Variants in HIKESHI observed in about 807,000 individuals in gnomAD.
The protein encoded by HIKESHI is heat shock protein nuclear import factor hikeshi.
In HIKESHI, 13 loss-of-function variants were observed where a neutral mutation model predicts 25.7. That is an observed-to-expected ratio of 0.51 (90% CI 0.33 to 0.80). The LOEUF (loss-of-function observed/expected upper bound fraction) is 0.80, where lower values mean the gene tolerates loss of function less well. Among genes scored for constraint, HIKESHI ranks in the 30% least tolerant of loss-of-function variants. HIKESHI has a pLI of 0.02. For missense variants in HIKESHI, 174 were observed against 229.5 expected (o/e 0.76, Z 1.56); for synonymous variants, 76 against 78.7 (o/e 0.97, Z 0.18).
chr11:86,311,740 A>G (rs901004527), intron 2 of HIKESHI, among the ~76,000 whole-genome samples: 3 of 152,142 alleles, frequency 2.0e-5, no homozygotes, highest in Admixed American at 6.6e-5. Context: ...AATGTGTCCC[A>G]GAGTTTCTGG....
At chr11:86,328,434 G>T (rs77255147) in intron 2 of HIKESHI, among the ~76,000 whole-genome samples, 12,771 of 132,638 alleles carry the variant, frequency 0.096, 836 homozygotes, top group African/African-American at 0.19. Flanking sequence ...AATGTTTTTT[G>T]TTTTTTTTTT....
intron 2 of HIKESHI, among the ~76,000 whole-genome samples, chr11:86,330,501 C>T (rs1219144219): frequency 1.3e-5 from 2 of 152,162 alleles, no homozygotes; most frequent in East Asian, 3.8e-4. Flanking sequence ...TCTTCAAAGT[C>T]TAGAATTTGC....
rs1271190739 is a variant in HIKESHI at position 86,323,134 on chromosome 11, CT to C, written c.269-14244del. Among the ~76,000 whole-genome samples the C allele has an allele frequency of 3.3e-5, 5 of 151,728 alleles. No individual in the cohort carries two copies. The East Asian group carries it at 9.6e-4, about 29-fold the overall frequency. On this transcript the variant is annotated intron_variant, in intron 2 of 4. Transcript: ENST00000278483. Reference sequence around the variant, plus strand: ...TCCCAGCTATTTGGGAGGCTGAGGCCTCAGGAGGATTGCTTGAGCCCAGGAG... The same window carrying C: ...TCCCAGCTATTTGGGAGGCTGAGGCCCAGGAGGATTGCTTGAGCCCAGGAG...
intron 1 of HIKESHI, chr11:86,303,362 A>C (rs1946543385): frequency 2.1e-6 from 2 of 973,572 alleles, no homozygotes; most frequent in African/African-American, 3.5e-5. Flanking sequence ...TACAGTTCTA[A>C]GAAGCCAGAA....
chr11:86,331,467 C>T (rs1304849971), intron 2 of HIKESHI, among the ~76,000 whole-genome samples: 1 of 152,078 alleles, frequency 6.6e-6, no homozygotes, highest in East Asian at 1.9e-4. Flanking sequence ...CCAGCCTGGA[C>T]AACAAAGCTA....
In HIKESHI at chr11:86,337,648, ATTTTG is replaced by A. The variant is rs1309541300; in HGVS notation, c.420+128_420+132del. The stretch of plus-strand genomic sequence containing the variant: ...TGTGATGTTTTTGATACATGTTTAC[ATTTTG>A]TTTTGTTTTATTTTGTTTTTGAGAG... On this transcript the variant is annotated intron_variant, in intron 3 of 4. Transcript: ENST00000278483. The A allele has an allele frequency of 1.3e-5, 15 of 1,164,710 alleles. No individual in the cohort carries two copies. In the South Asian group the frequency reaches 2.7e-4, roughly 21 times the overall value. 72.1% of individuals were successfully genotyped at this position (1,164,710 alleles called of 1,614,324 possible).
intron 2 of HIKESHI, among the ~76,000 whole-genome samples, chr11:86,334,805 C>T (rs974593316): frequency 2.6e-5 from 4 of 152,252 alleles, no homozygotes; most frequent in East Asian, 1.9e-4. Context: ...TGCACCACCT[C>T]GCCTGGCTAA....
At chr11:86,307,799 T>A (rs866727483) in intron 2 of HIKESHI, among the ~76,000 whole-genome samples, 84 of 121,374 alleles carry the variant, frequency 6.9e-4, no homozygotes, top group African/African-American at 2.8e-3. Flanking sequence ...GTAATATACA[T>A]TATATAAAAT....
At chr11:86,316,263 C>T (rs938706606) in intron 2 of HIKESHI, among the ~76,000 whole-genome samples, 1 of 151,908 alleles carries the variant, frequency 6.6e-6, no homozygotes, top group Non-Finnish European at 1.5e-5. Flanking sequence ...GTAATCCCAA[C>T]ACTTTGGGAG....
In HIKESHI at chr11:86,307,577, C is replaced by A. The variant is rs867450675; in HGVS notation, c.268+1095C>A. Among the ~76,000 whole-genome samples, 161 of 92,542 alleles carry A rather than the reference C, an allele frequency of 1.7e-3. 2 individuals are homozygous for A. The highest frequency in any genetic ancestry group is 2.1e-3 in the Non-Finnish European group (104 of 48,442). The allele number at this position is 92,542 out of a possible 152,430, so 60.7% of individuals were successfully genotyped here. ...ATTATGTGTAGTATACATTATATAT[C>A]AAATATATATTATGTGTAGTATACA... On this transcript the variant is annotated intron_variant, in intron 2 of 4. Coordinates refer to ENST00000278483, the MANE Select transcript of HIKESHI (RefSeq NM_016401.4).
At chr11:86,322,441 ATGTG>A (rs978968877) in intron 2 of HIKESHI, among the ~76,000 whole-genome samples, 1 of 151,516 alleles carries the variant, frequency 6.6e-6, no homozygotes, top group African/African-American at 2.4e-5. Flanking sequence ...GTATATGTAT[ATGTG>A]TGTGTGTGTG....
intron 2 of HIKESHI, among the ~76,000 whole-genome samples, chr11:86,308,757 C>A (rs1471409914): frequency 6.6e-6 from 1 of 151,876 alleles, no homozygotes; most frequent in East Asian, 1.9e-4. Context: ...GTGTGATGTT[C>A]CCCTTCCTGT....
At chr11:86,308,466 C>G (rs1393400052) in intron 2 of HIKESHI, among the ~76,000 whole-genome samples, 1 of 147,094 alleles carries the variant, frequency 6.8e-6, no homozygotes, top group East Asian at 2.0e-4. Context: ...AATAGAAGTA[C>G]TTATTTTCTT....
At chr11:86,324,954 G>C (rs1461019065) in intron 2 of HIKESHI, among the ~76,000 whole-genome samples, 7 of 152,098 alleles carry the variant, frequency 4.6e-5, no homozygotes. Flanking sequence ...TGAGGTGGAT[G>C]GATCACTTGA....
In HIKESHI at chr11:86,302,493, G is replaced by A. The variant is rs763273360; in HGVS notation, c.30+15G>A. On this transcript the variant is annotated intron_variant, in intron 1 of 4. Coordinates refer to ENST00000278483, the MANE Select transcript of HIKESHI (RefSeq NM_016401.4). ...CGGGGAGGCTGGTGAGGATGGGACCGGGTGATATCAGGAAGGGGTCAGGAT... is the reference window on the plus strand; with the variant it reads ...CGGGGAGGCTGGTGAGGATGGGACCAGGTGATATCAGGAAGGGGTCAGGAT... 17 of 1,557,072 alleles carry A rather than the reference G, an allele frequency of 1.1e-5. No individual in the cohort carries two copies. The East Asian group carries it at 2.9e-4, about 27-fold the overall frequency.
intron 2 of HIKESHI, among the ~76,000 whole-genome samples, chr11:86,310,790 C>G (rs529032675): frequency 6.6e-6 from 1 of 152,218 alleles, no homozygotes; most frequent in East Asian, 1.9e-4. Flanking sequence ...TGAATTTTGT[C>G]AAAGGCCTTT....
In HIKESHI at chr11:86,306,115, CAG is replaced by C; in HGVS notation, c.31-128_31-127del. 1.1e-5 allele frequency: 7 copies of C among 649,072 alleles called. No individual in the cohort carries two copies. In the South Asian group the frequency reaches 1.4e-4, roughly 13 times the overall value. 40.2% of individuals were successfully genotyped at this position (649,072 alleles called of 1,614,324 possible). A position where few individuals can be genotyped will look rare whatever the true frequency, so the allele number is the denominator to read the frequency against. On this transcript the variant is annotated intron_variant, in intron 1 of 4. Transcript: ENST00000278483. The stretch of plus-strand genomic sequence containing the variant: ...AAACTAAGTATGTATTTAAGACTAT[CAG>C]ATTTAACATTCTATTTGGTAGAAAG...
chr11:86,336,481 C>T lies in HIKESHI; in HGVS notation c.269-898C>T, dbSNP rs188454175. Among the ~76,000 whole-genome samples, 245 of 152,226 alleles carry T rather than the reference C, an allele frequency of 1.6e-3. 1 individual carries two copies. The highest frequency in any genetic ancestry group is 1.6e-3 in the Non-Finnish European group (108 of 68,032). On this transcript the variant is annotated intron_variant, in intron 2 of 4. Transcript: ENST00000278483. ...TAGAGTAATAAGAAGATCACTTGCC[C>T]TACTACCACGTGAGAACACAGTGAG...
chr11:86,335,855 A>G (rs1053413449), intron 2 of HIKESHI, among the ~76,000 whole-genome samples: 16 of 152,228 alleles, frequency 1.1e-4, no homozygotes, highest in African/African-American at 3.9e-4. Context: ...GTAATATTCA[A>G]AATGTCCAGT....
Sources: gnomAD v4.1 joint callset for allele counts (sites outside exome capture counted in the v4.1 genomes callset) on GRCh38, gnomAD v4.1.1 for gene constraint, MANE v1.5 for transcripts, NCBI Gene and HGNC (gene_info 2026-07-23, HGNC 2026-07-21) for gene names.